The following WWOX variants were observed in gnomAD, a reference collection of about 807,000 sequenced individuals.
WWOX encodes WW domain containing oxidoreductase.
Under a neutral mutation model 46.2 loss-of-function variants are expected in WWOX, and 69 were observed. The observed-to-expected ratio is 1.49, with a 90% confidence interval of 1.23 to 1.82. The LOEUF is 1.82. Ranked by LOEUF, WWOX falls within the 40% of genes most tolerant of loss-of-function variation. WWOX has a pLI of 0.00. For synonymous variants in WWOX, 359 were observed against 202.6 expected (o/e 1.77, Z -6.56); for missense variants, 919 against 542.6 (o/e 1.69, Z -6.89).
chr16:78,661,195 C>CTCTCT (rs1314863802), intron 8 of WWOX, among the ~76,000 whole-genome samples: 2 of 152,292 alleles, frequency 1.3e-5, no homozygotes, highest in East Asian at 3.9e-4. Context: ...AACCAATTTC[C>CTCTCT]TCTCTACCAT....
intron 6 of WWOX, 49 bp downstream of exon 6, chr16:78,386,997 A>G (rs1364806830): frequency 6.4e-7 from 1 of 1,557,816 alleles, no homozygotes; most frequent in East Asian, 2.2e-5. Flanking sequence ...TGCTATTGTA[A>G]TATCTTTATC....
chr16:79,154,414 A>T (rs1285772733), intron 8 of WWOX, among the ~76,000 whole-genome samples: 3 of 151,742 alleles, frequency 2.0e-5, no homozygotes, highest in Non-Finnish European at 4.4e-5. Flanking sequence ...TCCATTTTCA[A>T]TACTGGCCCC....
chr16:78,827,344 T>G (rs2051685597), intron 8 of WWOX, among the ~76,000 whole-genome samples: 1 of 151,948 alleles, frequency 6.6e-6, no homozygotes, highest in Non-Finnish European at 1.5e-5. Flanking sequence ...TCTTGACCAT[T>G]TTACAGATGA....
At chr16:79,023,988 A>C (rs2047587485) in intron 8 of WWOX, among the ~76,000 whole-genome samples, 1 of 152,006 alleles carries the variant, frequency 6.6e-6, no homozygotes, top group South Asian at 2.1e-4. Flanking sequence ...TATTAAGTGA[A>C]AGAAACCAGA....
chr16:78,176,753 T>C (rs2035360138), intron 5 of WWOX, among the ~76,000 whole-genome samples: 2 of 152,154 alleles, frequency 1.3e-5, no homozygotes, highest in Admixed American at 6.5e-5. Context: ...AGAGAATTAG[T>C]TGATGAATTA....
At chr16:79,206,674 T>A (rs1291431420) in intron 8 of WWOX, 1 of 151,860 alleles carries the variant, frequency 6.6e-6, no homozygotes, top group Non-Finnish European at 1.5e-5. Context: ...TGTTCTCGTC[T>A]GCTGCTTCCC....
chr16:78,816,462 C>T (rs1336572059), intron 8 of WWOX, among the ~76,000 whole-genome samples: 1 of 147,166 alleles, frequency 6.8e-6, no homozygotes, highest in African/African-American at 2.5e-5. Flanking sequence ...ACTCAAAATC[C>T]TGCCAATTAC....
chr16:79,084,701 C>T (rs1000375306), intron 8 of WWOX, among the ~76,000 whole-genome samples: 1 of 152,142 alleles, frequency 6.6e-6, no homozygotes, highest in Admixed American at 6.5e-5. Context: ...GCATGAGCCA[C>T]CGCACCTGGA....
chr16:78,929,214 ACT>A (rs1475390669), intron 8 of WWOX, among the ~76,000 whole-genome samples: 2 of 151,550 alleles, frequency 1.3e-5, no homozygotes, highest in African/African-American at 2.4e-5. Context: ...ATTTTCATAA[ACT>A]CTTCAGTTCT....
intron 5 of WWOX, among the ~76,000 whole-genome samples, chr16:78,373,358 T>G (rs1303195288): frequency 6.6e-6 from 1 of 152,228 alleles, no homozygotes; most frequent in Non-Finnish European, 1.5e-5. Flanking sequence ...GTGGCTGTAT[T>G]GTCCCCTAGG....
At chr16:78,474,668 T>C (rs1262782699) in intron 8 of WWOX, among the ~76,000 whole-genome samples, 1 of 152,198 alleles carries the variant, frequency 6.6e-6, no homozygotes, top group Non-Finnish European at 1.5e-5. Context: ...GTGCAACCAT[T>C]GCCACAGTCA....
At chr16:79,104,577 A>G (rs2049269863) in intron 8 of WWOX, among the ~76,000 whole-genome samples, 1 of 152,338 alleles carries the variant, frequency 6.6e-6, no homozygotes, top group Non-Finnish European at 1.5e-5. Context: ...TATTGATACA[A>G]AAATACGCAC....
chr16:78,956,148 G>A (rs2046162184), intron 8 of WWOX, among the ~76,000 whole-genome samples: 1 of 151,190 alleles, frequency 6.6e-6, no homozygotes, highest in African/African-American at 2.4e-5. Context: ...AGGTTTTGGG[G>A]GTTTGTTGTT....
intron 8 of WWOX, among the ~76,000 whole-genome samples, chr16:78,482,762 T>C (rs1472436523): frequency 6.6e-6 from 1 of 152,196 alleles, no homozygotes; most frequent in Non-Finnish European, 1.5e-5. Context: ...TCTCAGGACC[T>C]TGTTGTACGA....
At chr16:78,306,005 C>T (rs543578925) in intron 5 of WWOX, among the ~76,000 whole-genome samples, 44 of 151,844 alleles carry the variant, frequency 2.9e-4, no homozygotes, top group South Asian at 2.3e-3. Context: ...ATGGGCAATC[C>T]ACTTTTCTCA....
intron 8 of WWOX, among the ~76,000 whole-genome samples, chr16:78,831,138 G>A (rs2051810796): frequency 1.3e-5 from 2 of 152,172 alleles, no homozygotes; most frequent in South Asian, 2.1e-4. Flanking sequence ...GGAGGGGCTT[G>A]CAGAGCTGAG....
intron 8 of WWOX, among the ~76,000 whole-genome samples, chr16:78,712,797 A>T (rs1236055759): frequency 6.6e-6 from 1 of 152,154 alleles, no homozygotes; most frequent in Non-Finnish European, 1.5e-5. Flanking sequence ...TGCGGAAAAA[A>T]CTGTTAGAGT....
chr16:78,294,128 G>A (rs1465979608), intron 5 of WWOX, among the ~76,000 whole-genome samples: 2 of 151,970 alleles, frequency 1.3e-5, no homozygotes, highest in Non-Finnish European at 2.9e-5. Context: ...TGGTCCCTGG[G>A]TGGGACAGCT....
At chr16:79,173,520 G>A (rs1037340770) in intron 8 of WWOX, among the ~76,000 whole-genome samples, 14 of 151,992 alleles carry the variant, frequency 9.2e-5, no homozygotes, top group African/African-American at 3.4e-4. Flanking sequence ...CTGAGAAGCA[G>A]TTTCCCTTGA....
Sources: gnomAD v4.1 joint callset for allele counts (sites outside exome capture counted in the v4.1 genomes callset) on GRCh38, gnomAD v4.1.1 for gene constraint, MANE v1.5 for transcripts, NCBI Gene and HGNC (gene_info 2026-07-23, HGNC 2026-07-21) for gene names.